OPCML: variants seen among roughly 807,000 people sequenced by gnomAD.
OPCML encodes opioid-binding protein/cell adhesion molecule.
In OPCML, 13 loss-of-function variants were observed where a neutral mutation model predicts 37.8. The observed-to-expected ratio is 0.34, with a 90% confidence interval of 0.22 to 0.55. The LOEUF (loss-of-function observed/expected upper bound fraction) is 0.55, where lower values mean the gene tolerates loss of function less well. Among genes scored for constraint, OPCML ranks in the 20% least tolerant of loss-of-function variants. The pLI is 0.91. For missense variants in OPCML, 341 were observed against 435.6 expected (o/e 0.78, Z 1.93); for synonymous variants, 176 against 168.8 (o/e 1.04, Z -0.33).
intron 4 of OPCML, among the ~76,000 whole-genome samples, chr11:132,488,886 A>G (rs1307823655): frequency 6.6e-6 from 1 of 152,226 alleles, no homozygotes; most frequent in Non-Finnish European, 1.5e-5. Flanking sequence ...CACCAGTGGC[A>G]CATAGGTCAG....
At chr11:133,403,685 C>G (rs1945460051) in intron 1 of OPCML, among the ~76,000 whole-genome samples, 1 of 152,140 alleles carries the variant, frequency 6.6e-6, no homozygotes, top group Non-Finnish European at 1.5e-5. Context: ...GTACCAATTA[C>G]ATGTTATATC....
chr11:132,554,214 C>G (rs1033827739), intron 3 of OPCML, among the ~76,000 whole-genome samples: 3 of 152,232 alleles, frequency 2.0e-5, no homozygotes, highest in African/African-American at 7.2e-5. Flanking sequence ...CCATGTCAGT[C>G]TGCTGTTCCA....
chr11:132,914,141 A>G (rs1944527793), intron 2 of OPCML, among the ~76,000 whole-genome samples: 1 of 152,196 alleles, frequency 6.6e-6, no homozygotes, highest in Non-Finnish European at 1.5e-5. Flanking sequence ...ATGTGCTGAC[A>G]CACATTCCCT....
At chr11:133,459,340 A>G (rs1946805156) in intron 1 of OPCML, among the ~76,000 whole-genome samples, 1 of 152,114 alleles carries the variant, frequency 6.6e-6, no homozygotes, top group African/African-American at 2.4e-5. Context: ...TAAGACATAC[A>G]GCAAAAAACA....
chr11:132,833,912 T>C (rs925203521), intron 2 of OPCML, among the ~76,000 whole-genome samples: 3 of 152,148 alleles, frequency 2.0e-5, no homozygotes, highest in African/African-American at 7.2e-5. Flanking sequence ...GAAAGAGAAA[T>C]GAAGTATGCA....
At chr11:132,687,538 G>T (rs1272889055) in intron 2 of OPCML, among the ~76,000 whole-genome samples, 2 of 150,224 alleles carry the variant, frequency 1.3e-5, no homozygotes, top group Non-Finnish European at 3.0e-5. Context: ...CCTCAGCATA[G>T]AAAATTATTT....
In OPCML at chr11:133,204,868, G is replaced by GTGTA. The variant is rs1435953218; in HGVS notation, c.62-261859_62-261858insTACA. 2.1e-3 allele frequency among the ~76,000 whole-genome samples: 244 copies of GTGTA among 117,224 alleles called. 1 individual carries two copies. The highest frequency in any genetic ancestry group is 2.5e-3 in the Non-Finnish European group (141 of 57,120). 76.9% of individuals were successfully genotyped at this position (117,224 alleles called of 152,430 possible). On this transcript the variant is annotated intron_variant, in intron 1 of 7. Coordinates refer to ENST00000524381, the MANE Select transcript of OPCML (RefSeq NM_001012393.5). The stretch of plus-strand genomic sequence containing the variant: ...TGATCTATTATATATATATATATGT[G>GTGTA]TATATATATATATATATATATATAT...
At chr11:132,478,280 T>C (rs1420344218) in intron 4 of OPCML, among the ~76,000 whole-genome samples, 4 of 152,204 alleles carry the variant, frequency 2.6e-5, no homozygotes, top group Non-Finnish European at 5.9e-5. Flanking sequence ...TTAAAATAGG[T>C]TAAAATACCA....
At chr11:132,769,896 A>G (rs1414564364) in intron 2 of OPCML, among the ~76,000 whole-genome samples, 1 of 152,156 alleles carries the variant, frequency 6.6e-6, no homozygotes, top group Non-Finnish European at 1.5e-5. Flanking sequence ...TGCACATGGG[A>G]ACACAACAGC....
intron 7 of OPCML, among the ~76,000 whole-genome samples, chr11:132,430,360 T>C (rs1592161957): frequency 6.6e-6 from 1 of 151,940 alleles, no homozygotes; most frequent in East Asian, 1.9e-4. Context: ...TGGTTTCCCA[T>C]GAGAAGGAGG....
Position 133,343,439 on chromosome 11 carries a change from T to A in OPCML, c.61+188825A>T, listed in dbSNP as rs117112630. Among the ~76,000 whole-genome samples the A allele has an allele frequency of 6.0e-3, 911 of 152,354 alleles. 2 individuals are homozygous for A. Among genetic ancestry groups the A allele is most frequent in the Middle Eastern group, 0.014 (4 of 294 alleles). ...AATCAATTAACCTTATCAGGCAACA[T>A]GGCCTACTGAAACAGAGCCAAGCCT... On this transcript the variant is annotated intron_variant, in intron 1 of 7. Transcript: ENST00000524381.
chr11:132,805,992 A>G (rs1205988060), intron 2 of OPCML, among the ~76,000 whole-genome samples: 1 of 152,204 alleles, frequency 6.6e-6, no homozygotes. Context: ...AAGGACAGGT[A>G]AACATAAAAT....
At chr11:133,012,598 G>A (rs917216981) in intron 1 of OPCML, among the ~76,000 whole-genome samples, 5 of 152,206 alleles carry the variant, frequency 3.3e-5, no homozygotes, top group Middle Eastern at 3.4e-3. Flanking sequence ...TGTCTGGGCC[G>A]GACACGGTGG....
intron 1 of OPCML, among the ~76,000 whole-genome samples, chr11:133,261,036 T>A (rs1054306933): frequency 1.3e-5 from 2 of 152,200 alleles, no homozygotes; most frequent in Non-Finnish European, 2.9e-5. Context: ...TAAGGTCAGT[T>A]CTTTTGTCCA....
chr11:132,813,479 C>T (rs1939461020), intron 2 of OPCML, among the ~76,000 whole-genome samples: 1 of 152,188 alleles, frequency 6.6e-6, no homozygotes, highest in Non-Finnish European at 1.5e-5. Context: ...ATGGACACTA[C>T]CAATGCAAGA....
intron 3 of OPCML, among the ~76,000 whole-genome samples, chr11:132,635,390 T>C (rs1209098973): frequency 1.3e-5 from 2 of 152,140 alleles, no homozygotes; most frequent in Non-Finnish European, 2.9e-5. Context: ...TTTAGTCAAA[T>C]GTTGTTAAGG....
chr11:132,599,849 G>A (rs1937727307), intron 3 of OPCML, among the ~76,000 whole-genome samples: 1 of 152,136 alleles, frequency 6.6e-6, no homozygotes, highest in South Asian at 2.1e-4. Context: ...TTGAGCCATA[G>A]TATATGCAAA....
intron 1 of OPCML, among the ~76,000 whole-genome samples, chr11:133,284,975 C>T (rs2136519273): frequency 6.6e-6 from 1 of 152,018 alleles, no homozygotes; most frequent in East Asian, 1.9e-4. Context: ...GGTGAGGGGT[C>T]TTATTTGTAT....
At chr11:132,834,711 A>C (rs573337517) in intron 2 of OPCML, among the ~76,000 whole-genome samples, 36 of 152,080 alleles carry the variant, frequency 2.4e-4, no homozygotes, top group South Asian at 4.2e-4. Flanking sequence ...ATTAGGATGA[A>C]CCCTGATGAC....
Sources: gnomAD v4.1 joint callset for allele counts (sites outside exome capture counted in the v4.1 genomes callset) on GRCh38, gnomAD v4.1.1 for gene constraint, MANE v1.5 for transcripts, NCBI Gene and HGNC (gene_info 2026-07-23, HGNC 2026-07-21) for gene names.